The following CPPED1 variants were observed in gnomAD, a reference collection of about 807,000 sequenced individuals.
CPPED1 encodes the protein serine/threonine-protein phosphatase CPPED1.
A neutral mutation model predicts 28.0 loss-of-function variants in CPPED1; 28 were observed. That is an observed-to-expected ratio of 1.00 (90% CI 0.74 to 1.37). CPPED1 has a LOEUF of 1.37. Ranked by LOEUF, CPPED1 falls within the 40% of genes most tolerant of loss-of-function variation. CPPED1 has a pLI of 0.00. For synonymous variants in CPPED1, 198 were observed against 180.2 expected (o/e 1.10, Z -0.79); for missense variants, 504 against 416.5 (o/e 1.21, Z -1.83).
intron 3 of CPPED1, among the ~76,000 whole-genome samples, chr16:12,681,923 G>A (rs2079906948): frequency 6.6e-6 from 1 of 152,162 alleles, no homozygotes; most frequent in East Asian, 1.9e-4. Flanking sequence ...GGCTAGAGGT[G>A]GCTGGCTGCC....
In CPPED1 at chr16:12,781,418, G is replaced by A. The variant is rs765597115; in HGVS notation, c.71-15C>T. On this transcript the variant is annotated splice_polypyrimidine_tract_variant and intron_variant, in intron 1 of 3. Transcript: ENST00000381774. Reference sequence around the variant, plus strand: ...GCTTTCCTTTTCTTAAAAAAAGAGAGAGGGAGAAAGAAGGAGAAATCTTGT... The same window carrying A: ...GCTTTCCTTTTCTTAAAAAAAGAGAAAGGGAGAAAGAAGGAGAAATCTTGT... The A allele has an allele frequency of 6.2e-7, 1 of 1,608,700 alleles. No individual in the cohort carries two copies. Among genetic ancestry groups the A allele is most frequent in the African/African-American group, 1.3e-5 (1 of 74,760 alleles).
chr16:12,775,975 G>A (rs1216558288), intron 2 of CPPED1, among the ~76,000 whole-genome samples: 1 of 152,124 alleles, frequency 6.6e-6, no homozygotes, highest in African/African-American at 2.4e-5. Flanking sequence ...AGAGATGTTC[G>A]ACATCCTAAC....
intron 2 of CPPED1, among the ~76,000 whole-genome samples, chr16:12,712,882 T>G (rs2080087260): frequency 6.6e-6 from 1 of 152,220 alleles, no homozygotes; most frequent in African/African-American, 2.4e-5. Context: ...TAATTTTTTA[T>G]GAGCATAAGT....
At chr16:12,773,432 G>C (rs2080480798) in intron 2 of CPPED1, among the ~76,000 whole-genome samples, 2 of 152,136 alleles carry the variant, frequency 1.3e-5, no homozygotes, top group African/African-American at 4.8e-5. Context: ...ACATTAAAAA[G>C]TGGCCCCGAC....
intron 2 of CPPED1, among the ~76,000 whole-genome samples, chr16:12,739,723 G>A (rs905736913): frequency 6.6e-6 from 1 of 152,174 alleles, no homozygotes; most frequent in African/African-American, 2.4e-5. Context: ...CAACAACATG[G>A]TTCGCAGCCT....
At chr16:12,772,406 A>G (rs995247182) in intron 2 of CPPED1, among the ~76,000 whole-genome samples, 17 of 152,192 alleles carry the variant, frequency 1.1e-4, no homozygotes, top group African/African-American at 4.1e-4. Flanking sequence ...TCTCCTCTCC[A>G]GACTTTTGCA....
chr16:12,776,748 G>A (rs1029326376), intron 2 of CPPED1, among the ~76,000 whole-genome samples: 6 of 152,198 alleles, frequency 3.9e-5, no homozygotes, highest in Middle Eastern at 3.4e-3. Flanking sequence ...GTGAAATCCC[G>A]TCTCTACCAA....
intron 2 of CPPED1, among the ~76,000 whole-genome samples, chr16:12,748,983 G>A (rs1029881662): frequency 2.0e-5 from 3 of 151,714 alleles, no homozygotes; most frequent in African/African-American, 4.9e-5. Flanking sequence ...GCAATCATCT[G>A]AGCCTTCAGT....
chr16:12,743,492 C>G (rs933985516), intron 2 of CPPED1, among the ~76,000 whole-genome samples: 8 of 152,196 alleles, frequency 5.3e-5, no homozygotes, highest in Middle Eastern at 3.4e-3. Context: ...TACGTTAAAA[C>G]TTAAAAATTC....
At chr16:12,794,365 A>G (rs149065115) in intron 1 of CPPED1, among the ~76,000 whole-genome samples, 1 of 152,214 alleles carries the variant, frequency 6.6e-6, no homozygotes, top group Non-Finnish European at 1.5e-5. Flanking sequence ...GGTAAATATT[A>G]TTTAATTAAC....
At chr16:12,790,316 G>A (rs2080588637) in intron 1 of CPPED1, among the ~76,000 whole-genome samples, 2 of 151,966 alleles carry the variant, frequency 1.3e-5, no homozygotes, top group African/African-American at 4.8e-5. Context: ...TCCCTTTTAG[G>A]CATATTTGTC....
chr16:12,717,192 C>G (rs1333109899), intron 2 of CPPED1, among the ~76,000 whole-genome samples: 1 of 152,300 alleles, frequency 6.6e-6, no homozygotes, highest in South Asian at 2.1e-4. Flanking sequence ...ACTTGGGTTT[C>G]TGAAGCACCA....
intron 2 of CPPED1, among the ~76,000 whole-genome samples, chr16:12,779,681 T>A (rs1224737255): frequency 6.6e-6 from 1 of 152,046 alleles, no homozygotes; most frequent in Non-Finnish European, 1.5e-5. Context: ...CCGGCCATTC[T>A]CATGTTTTCA....
At chr16:12,746,066 A>T (rs2080285243) in intron 2 of CPPED1, 1 of 152,174 alleles carries the variant, frequency 6.6e-6, no homozygotes, top group Non-Finnish European at 1.5e-5. Context: ...TACAAAACAA[A>T]ATTGTCACGC....
chr16:12,676,770 T>C (rs749649124), intron 3 of CPPED1, among the ~76,000 whole-genome samples: 10 of 152,206 alleles, frequency 6.6e-5, no homozygotes, highest in Non-Finnish European at 1.5e-4. Context: ...ATAATAATGA[T>C]GATAATAATA....
intron 2 of CPPED1, among the ~76,000 whole-genome samples, chr16:12,730,560 G>A (rs980403629): frequency 6.6e-6 from 1 of 152,206 alleles, no homozygotes; most frequent in African/African-American, 2.4e-5. Context: ...TAGCAGTGGA[G>A]TGGGTAAATA....
chr16:12,694,584 C>T (rs191682211), intron 3 of CPPED1, among the ~76,000 whole-genome samples: 7 of 151,810 alleles, frequency 4.6e-5, no homozygotes, highest in South Asian at 2.1e-4. Flanking sequence ...TGATGTTTTG[C>T]GGTGAACTGA....
intron 1 of CPPED1, 34 bp from the exon 2 acceptor site, chr16:12,781,437 A>G (rs1567305217): frequency 6.3e-7 from 1 of 1,588,506 alleles, no homozygotes; most frequent in African/African-American, 1.3e-5. Context: ...AGAAGGAGAA[A>G]TCTTGTAAAA....
At chr16:12,731,233 A>G (rs2080195574) in intron 2 of CPPED1, among the ~76,000 whole-genome samples, 1 of 150,084 alleles carries the variant, frequency 6.7e-6, no homozygotes, top group African/African-American at 2.5e-5. Flanking sequence ...GGCTCACTGC[A>G]AGCTCCACCC....
Sources: allele counts gnomAD v4.1 joint callset (sites outside exome capture counted in the v4.1 genomes callset), GRCh38; gene constraint gnomAD v4.1.1; transcripts MANE v1.5; gene names NCBI Gene and HGNC (gene_info 2026-07-23, HGNC 2026-07-21).